GAD1: variants seen among roughly 807,000 people sequenced by gnomAD.
GAD1 encodes glutamate decarboxylase 1, also known as 67 kDa glutamic acid decarboxylase.
Under a neutral mutation model 75.2 loss-of-function variants are expected in GAD1, and 35 were observed. The ratio of observed to expected loss-of-function variants is 0.47; its 90% CI spans 0.36 to 0.62. The LOEUF (loss-of-function observed/expected upper bound fraction) is 0.62, where lower values mean the gene tolerates loss of function less well. GAD1 is among the 20% of genes least tolerant of loss of function. The pLI is 0.00. For synonymous variants in GAD1, 257 were observed against 271.9 expected, an observed-to-expected ratio of 0.95 and a Z score of 0.54; for missense variants, 490 against 758.5, an observed-to-expected ratio of 0.65 and a Z score of 4.16.
In GAD1 at chr2:170,845,789, G is replaced by T. The variant is rs2105799805; in HGVS notation, c.947+4G>T. The stretch of plus-strand genomic sequence containing the variant: ...TTTTGATAAAGTGCAATGAAAGGTA[G>T]GCAGGGGAGGGTGAATATTAGGTTC... On this transcript the variant is annotated splice_donor_region_variant and intron_variant, in intron 9 of 16. Coordinates refer to ENST00000358196, the MANE Select transcript of GAD1 (RefSeq NM_000817.3). 2 of 1,613,532 alleles carry T rather than the reference G, an allele frequency of 1.2e-6. No homozygotes were observed. Among genetic ancestry groups the T allele is most frequent in the East Asian group, 4.5e-5 (2 of 44,880 alleles).
Position 170,857,060 on chromosome 2 carries a change from C to G in GAD1, c.1456C>G (p.Leu486Val), listed in dbSNP as rs753976834. Residue 486 changes from leucine to valine, a missense_variant, in exon 15 of 17, where the codon CTG becomes GTG. Leu to Val is a conservative substitution (Grantham distance 32). Coordinates refer to ENST00000358196, the MANE Select transcript of GAD1 (RefSeq NM_000817.3). ...FENQINKCLELAEYLYAKIKN... is the reference protein window; with the variant it reads ...FENQINKCLEVAEYLYAKIKN... ...AAACCAGATCAACAAATGCCTGGAA[C>G]TGGCTGAATACCTCTATGCCAAGAT... 9 of 1,614,028 alleles carry G rather than the reference C, an allele frequency of 5.6e-6. No individual in the cohort carries two copies. Among genetic ancestry groups the G allele is most frequent in the Non-Finnish European group, 7.6e-6 (9 of 1,179,976 alleles).
At chr2:170,835,803 A>C (rs1347758193) in intron 5 of GAD1, among the ~76,000 whole-genome samples, 1 of 152,216 alleles carries the variant, frequency 6.6e-6, no homozygotes, top group African/African-American at 2.4e-5. Flanking sequence ...AAGACCTCAG[A>C]TTCTGTTGGC....
intron 5 of GAD1, among the ~76,000 whole-genome samples, chr2:170,833,207 T>C (rs1024731476): frequency 1.3e-5 from 2 of 152,182 alleles, no homozygotes; most frequent in Non-Finnish European, 2.9e-5. Flanking sequence ...AGTAAGACTA[T>C]TGGATGTCAA....
rs746185047 is a variant in GAD1 at position 170,854,040 on chromosome 2, C to A, written c.1413+18C>A. The A allele has an allele frequency of 7.4e-6, 12 of 1,613,964 alleles. No individual in the cohort carries two copies. The South Asian group carries it at 1.3e-4, about 18-fold the overall frequency. On this transcript the variant is annotated intron_variant, in intron 14 of 16. Coordinates refer to ENST00000358196, the MANE Select transcript of GAD1 (RefSeq NM_000817.3). The stretch of plus-strand genomic sequence containing the variant: ...AAGCAAAGGTATGAAGGGAATAGTT[C>A]AGGAAATAGAGCAGAAATGTAATTT...
At chr2:170,824,965 T>C (rs1036191919) in intron 3 of GAD1, among the ~76,000 whole-genome samples, 1 of 152,110 alleles carries the variant, frequency 6.6e-6, no homozygotes, top group African/African-American at 2.4e-5. Flanking sequence ...TATGTGTGTG[T>C]AATTTTGTAT....
At chr2:170,838,643 C>A (rs963079890) in intron 6 of GAD1, among the ~76,000 whole-genome samples, 1 of 152,176 alleles carries the variant, frequency 6.6e-6, no homozygotes, top group African/African-American at 2.4e-5. Context: ...TGTCTCCAAT[C>A]TCAAGGTAAA....
At chr2:170,856,474 G>T (rs942318237) in intron 14 of GAD1, among the ~76,000 whole-genome samples, 2 of 152,184 alleles carry the variant, frequency 1.3e-5, no homozygotes, top group Non-Finnish European at 2.9e-5. Context: ...AGTATCTTTC[G>T]AAGTTTTTCT....
Position 170,831,020 on chromosome 2 carries a change from C to A in GAD1, c.375C>A (p.Leu125=). Reference sequence around the variant, plus strand: ...TCCTGGAAGTGGTGGACATACTCCTCAACTATGTCCGCAAGACATTTGATC... The same window carrying A: ...TCCTGGAAGTGGTGGACATACTCCTAAACTATGTCCGCAAGACATTTGATC... The part of the protein sequence containing the change: ...QFLLEVVDIL[L]NYVRKTFDRS... Residue 125 remains leucine (L), a synonymous_variant, in exon 5 of 17, where the codon CTC becomes CTA. Transcript: ENST00000358196. 1.2e-6 allele frequency: 2 copies of A among 1,614,154 alleles called. No individual in the cohort carries two copies. Among genetic ancestry groups the A allele is most frequent in the Non-Finnish European group, 1.7e-6 (2 of 1,179,996 alleles).
intron 2 of GAD1, chr2:170,821,827 C>A (rs551438327): frequency 8.6e-5 from 45 of 524,456 alleles, no homozygotes; most frequent in Non-Finnish European, 1.2e-4. Flanking sequence ...GCTTACGGGC[C>A]CGGAGGGGCG....
chr2:170,829,663 T>C, intron 4 of GAD1, 30 bp downstream of exon 4: 1 of 1,606,966 alleles, frequency 6.2e-7, no homozygotes, highest in African/African-American at 1.3e-5. Context: ...CGCCCCATGC[T>C]AGCCAGTAGA....
intron 6 of GAD1, chr2:170,842,846 T>C: frequency 1.1e-6 from 1 of 870,918 alleles, no homozygotes; most frequent in Non-Finnish European, 1.7e-6. Flanking sequence ...TAAAACTTAG[T>C]AGCTTCACCT....
At chr2:170,858,048 C>T (rs1303395318) in intron 15 of GAD1, among the ~76,000 whole-genome samples, 1 of 152,044 alleles carries the variant, frequency 6.6e-6, no homozygotes, top group Middle Eastern at 3.2e-3. Flanking sequence ...ACCAAATGAA[C>T]AAAAAAGAGC....
At position 170,845,663 on chromosome 2, in the gene GAD1, G is replaced by T. The variant is rs1475657665; in HGVS notation, c.867+42G>T. 2.5e-6 allele frequency: 4 copies of T among 1,610,914 alleles called. No individual in the cohort carries two copies. The African/African-American group carries it at 5.3e-5, about 22-fold the overall frequency. On this transcript the variant is annotated intron_variant, in intron 8 of 16. Coordinates refer to ENST00000358196, the MANE Select transcript of GAD1 (RefSeq NM_000817.3). ...TTCTCATGGATAGTGGTGTTTTTTA[G>T]GGGACTTTCCAACTTCTAACCTCGA...
chr2:170,820,475 A>G (rs2105753991), intron 2 of GAD1, among the ~76,000 whole-genome samples: 1 of 152,312 alleles, frequency 6.6e-6, no homozygotes, highest in African/African-American at 2.4e-5. Flanking sequence ...TGGGCGCTCT[A>G]TCCACTCTCA....
At chr2:170,831,237 C>G (rs1420399405) in intron 5 of GAD1, 45 bp downstream of exon 5, 1 of 1,604,850 alleles carries the variant, frequency 6.2e-7, no homozygotes, top group African/African-American at 1.3e-5. Context: ...ACTTTGCCCT[C>G]CATCTCACCC....
rs1286805826 is a variant in GAD1, at chr2:170,847,693, T to C, written c.1020T>C (p.Tyr340=). ...EAKQKGYVPF[Y]VNATAGTTVY... ...CCTTGTAGGGATATGTTCCCTTTTA[T>C]GTCAATGCAACTGCTGGCACGACTG... The change falls in exon 11 of 17, where the codon TAT becomes TAC. Residue 340 remains tyrosine (Y), a synonymous_variant. Transcript: ENST00000358196. 3 of 1,613,442 alleles carry C rather than the reference T, an allele frequency of 1.9e-6. No individual in the cohort carries two copies. In the South Asian group the frequency reaches 3.3e-5, roughly 18 times the overall value.
In GAD1 at chr2:170,840,965, C is replaced by T. The variant is rs1336798285; in HGVS notation, c.639-3080C>T. 2.4e-4 allele frequency among the ~76,000 whole-genome samples: 36 copies of T among 152,170 alleles called. 1 individual carries two copies. Among genetic ancestry groups the T allele is most frequent in the Admixed American group, 2.4e-3 (36 of 15,278 alleles). The stretch of plus-strand genomic sequence containing the variant: ...TGCCTTCGCTCTGAGTGAACTCCTC[C>T]GGGAAGGTGAGTTGAACCACTGCAA... On this transcript the variant is annotated intron_variant, in intron 6 of 16. Transcript: ENST00000358196.
rs748950416 is a variant in GAD1, at chr2:170,830,932, T to C, written c.305-18T>C. 6.2e-6 allele frequency: 10 copies of C among 1,614,016 alleles called. No homozygotes were observed. Among genetic ancestry groups the C allele is most frequent in the South Asian group, 1.1e-5 (1 of 91,054 alleles). ...ATATGAGTCAGGTGAAAACCATTCA[T>C]TGCTCTCCCCAATTCAGATCTGCTT... On this transcript the variant is annotated intron_variant, in intron 4 of 16. Coordinates refer to ENST00000358196, the MANE Select transcript of GAD1 (RefSeq NM_000817.3).
chr2:170,852,909 A>G, intron 13 of GAD1, 117 bp downstream of exon 13: 2 of 835,218 alleles, frequency 2.4e-6, no homozygotes, highest in Non-Finnish European at 4.1e-6. Flanking sequence ...TGGCAGCCCC[A>G]CTGAGAGACT....
Sources: gnomAD v4.1 joint callset for allele counts (sites outside exome capture counted in the v4.1 genomes callset) on GRCh38, gnomAD v4.1.1 for gene constraint, MANE v1.5 for transcripts, NCBI Gene and HGNC (gene_info 2026-07-23, HGNC 2026-07-21) for gene names.